Variants in MTOR observed in about 807,000 individuals in gnomAD.
The protein encoded by MTOR is mechanistic target of rapamycin kinase.
In MTOR, 70 loss-of-function variants were observed where a neutral mutation model predicts 319.8. The ratio of observed to expected loss-of-function variants is 0.22; its 90% CI spans 0.18 to 0.27. The LOEUF (loss-of-function observed/expected upper bound fraction) is 0.27. Among genes scored for constraint, MTOR ranks in the 10% least tolerant of loss-of-function variants. The pLI, the probability that MTOR is intolerant of heterozygous loss-of-function variation, is 1.00. For synonymous variants in MTOR, 1,183 were observed against 1,211.4 expected, an observed-to-expected ratio of 0.98 and a Z score of 0.49; for missense variants, 1,890 against 3,274.4, an observed-to-expected ratio of 0.58 and a Z score of 10.32.
At chr1:11,139,222 T>C (rs1317660393) in intron 36 of MTOR, 82 bp downstream of exon 36, 8 of 1,506,554 alleles carry the variant, frequency 5.3e-6, no homozygotes, top group South Asian at 1.4e-5. Context: ...GTTTCTTTTC[T>C]GGCCTTAAAG....
Position 11,126,650 on chromosome 1 carries a change from C to T in MTOR, c.6498G>A (p.Lys2166=). 6.2e-7 allele frequency: 1 copy of T among 1,613,958 alleles called. No individual in the cohort carries two copies. Among genetic ancestry groups the T allele is most frequent in the Non-Finnish European group, 8.5e-7 (1 of 1,180,010 alleles). ...IAPSLQVITS[K]QRPRKLTLMG... ...TAAGTGTCAATTTCCGGGGCCTCTG[C>T]TTGGATGTGATGACTTGCAAAGACG... Residue 2166 remains lysine, a synonymous_variant, in exon 46 of 58, where the codon AAG becomes AAA. Transcript: ENST00000361445.
chr1:11,223,517 C>T (rs1646735415), intron 19 of MTOR, among the ~76,000 whole-genome samples: 1 of 151,902 alleles, frequency 6.6e-6, no homozygotes. Context: ...TGACAAAATG[C>T]TAGTAATTAC....
intron 47 of MTOR, among the ~76,000 whole-genome samples, chr1:11,123,678 A>C (rs1272578631): frequency 6.6e-6 from 1 of 151,748 alleles, no homozygotes; most frequent in East Asian, 1.9e-4. Flanking sequence ...TTTTTTGTCC[A>C]GGATGGTCTT....
intron 6 of MTOR, 85 bp downstream of exon 6, chr1:11,253,754 C>T: frequency 6.9e-7 from 1 of 1,439,800 alleles, no homozygotes; most frequent in South Asian, 1.2e-5. Context: ...AAAATGTCAG[C>T]TCCATGAGGA....
chr1:11,175,762 T>TTTTTTTTTG (rs1644965148), intron 28 of MTOR, among the ~76,000 whole-genome samples: 1 of 151,120 alleles, frequency 6.6e-6, no homozygotes, highest in African/African-American at 2.4e-5. Context: ...TTTTTTTTTT[T>TTTTTTTTTG]GAGACAGGGT....
In MTOR at chr1:11,175,248, G is replaced by A. The variant is rs545231540; in HGVS notation, c.4254-7731C>T. The stretch of plus-strand genomic sequence containing the variant: ...CCAGAGCCCACAAACTGAACCTGGC[G>A]TTAGGAAGACAACGAAGACAGGCGG... On this transcript the variant is annotated intron_variant, in intron 28 of 57. Transcript: ENST00000361445. 1.7e-4 allele frequency among the ~76,000 whole-genome samples: 26 copies of A among 152,278 alleles called. No homozygotes were observed. The East Asian group carries it at 3.3e-3, about 19-fold the overall frequency.
intron 28 of MTOR, among the ~76,000 whole-genome samples, chr1:11,170,032 C>T (rs1644763575): frequency 1.3e-5 from 2 of 152,196 alleles, no homozygotes; most frequent in South Asian, 4.1e-4. Context: ...GCTCCAGATT[C>T]GTTGGGGAAG....
At chr1:11,186,397 A>G (rs1282013155) in intron 28 of MTOR, among the ~76,000 whole-genome samples, 1 of 152,190 alleles carries the variant, frequency 6.6e-6, no homozygotes, top group East Asian at 1.9e-4. Context: ...AGTGCGGCCC[A>G]AACACTGTGA....
In MTOR at chr1:11,168,908, G is replaced by A. The variant is rs141621305; in HGVS notation, c.4254-1391C>T. ...GAAAGAGGGGAGGGTGAAGGAGCTC[G>A]CTTGAGAAATCCACAAGACCACAAT... On this transcript the variant is annotated intron_variant, in intron 28 of 57. Coordinates refer to ENST00000361445, the MANE Select transcript of MTOR (RefSeq NM_004958.4). 3.9e-5 allele frequency among the ~76,000 whole-genome samples: 6 copies of A among 152,200 alleles called. No individual in the cohort carries two copies. The East Asian group carries it at 5.8e-4, about 15-fold the overall frequency.
At chr1:11,139,684 GAT>G (rs1399081007) in intron 34 of MTOR, 26 bp from the exon 35 acceptor site, 10 of 1,614,008 alleles carry the variant, frequency 6.2e-6, no homozygotes, top group Non-Finnish European at 8.5e-6. Flanking sequence ...GTGAAGATTA[GAT>G]ATGTCTTCTG....
chr1:11,250,740 G>A (rs1022857531), intron 6 of MTOR, among the ~76,000 whole-genome samples: 2 of 152,158 alleles, frequency 1.3e-5, no homozygotes, highest in East Asian at 3.9e-4. Flanking sequence ...GTGCCCAACA[G>A]GTCTCTAAGT....
At position 11,171,670 on chromosome 1, in the gene MTOR, C is replaced by A. The variant is rs746816453; in HGVS notation, c.4254-4153G>T. On this transcript the variant is annotated intron_variant, in intron 28 of 57. Transcript: ENST00000361445. The stretch of plus-strand genomic sequence containing the variant: ...TTAATACAGCTACAGCCTTGATATA[C>A]CACCTCTAAGGACTGACCAGCATAG... Among the ~76,000 whole-genome samples the A allele has an allele frequency of 3.7e-4, 57 of 152,030 alleles. 2 individuals carry two copies. Among genetic ancestry groups the A allele is most frequent in the Non-Finnish European group, 1.9e-4 (13 of 68,044 alleles).
At chr1:11,181,480 C>G (rs917900767) in intron 28 of MTOR, among the ~76,000 whole-genome samples, 2 of 151,880 alleles carry the variant, frequency 1.3e-5, no homozygotes, top group Admixed American at 6.6e-5. Flanking sequence ...AGCTGAGACC[C>G]CACCACTACA....
intron 8 of MTOR, among the ~76,000 whole-genome samples, chr1:11,244,213 A>G (rs1437481422): frequency 7.1e-6 from 1 of 141,570 alleles, no homozygotes; most frequent in African/African-American, 2.6e-5. Context: ...AATCGCTTGA[A>G]CCCGGGAGGC....
At chr1:11,139,240 G>A in intron 36 of MTOR, 64 bp downstream of exon 36, 5 of 1,539,022 alleles carry the variant, frequency 3.2e-6, no homozygotes, top group Non-Finnish European at 3.5e-6. Flanking sequence ...AAGAGGCAGA[G>A]CGAAGCAGAT....
intron 19 of MTOR, among the ~76,000 whole-genome samples, chr1:11,219,273 T>C (rs781520699): frequency 5.3e-5 from 8 of 151,348 alleles, no homozygotes; most frequent in Non-Finnish European, 1.2e-4. Flanking sequence ...GAGCTACATA[T>C]TAAGAGAAAT....
chr1:11,238,552 T>C lies in MTOR; in HGVS notation c.1852A>G (p.Ile618Val), dbSNP rs777898144. The C allele has an allele frequency of 6.2e-7, 1 of 1,614,028 alleles. No homozygotes were observed. Among genetic ancestry groups the C allele is most frequent in the East Asian group, 2.2e-5 (1 of 44,896 alleles). Residue 618 changes from isoleucine to valine, a missense_variant, in exon 12 of 58, where the codon ATC (isoleucine) becomes GTC (valine). Ile to Val is a conservative substitution (Grantham distance 29). Coordinates refer to ENST00000361445, the MANE Select transcript of MTOR (RefSeq NM_004958.4). ...CAGGTGCGGGCAGCCTCCATGCGGA[T>C]CTCCTTGTGCTCACTGTTCAGGAAA... The part of the protein sequence containing the change: ...DHFLNSEHKE[I>V]RMEAARTCSR...
chr1:11,106,822 T>C lies in MTOR; in HGVS notation c.*663A>G, dbSNP rs1641601039. 4.6e-6 allele frequency: 6 copies of C among 1,303,536 alleles called. No homozygotes were observed. In the African/African-American group the frequency reaches 5.9e-5, roughly 13 times the overall value. 80.7% of individuals were successfully genotyped at this position (1,303,536 alleles called of 1,614,324 possible). On this transcript the variant is annotated 3_prime_UTR_variant, in exon 58 of 58. Transcript: ENST00000361445. ...ACTGCACAGTGATCCCCTCTGTGCATCTGCTCAGCCGAGGCTGCCAGCGAT... is the reference window on the plus strand; with the variant it reads ...ACTGCACAGTGATCCCCTCTGTGCACCTGCTCAGCCGAGGCTGCCAGCGAT...
At chr1:11,138,691 T>C (rs1643548721) in intron 36 of MTOR, among the ~76,000 whole-genome samples, 1 of 152,150 alleles carries the variant, frequency 6.6e-6, no homozygotes, top group African/African-American at 2.4e-5. Flanking sequence ...CCAAAGCAGG[T>C]GATGACTTTG....
Sources: gnomAD v4.1 joint callset for allele counts (sites outside exome capture counted in the v4.1 genomes callset) on GRCh38, gnomAD v4.1.1 for gene constraint, MANE v1.5 for transcripts, NCBI Gene and HGNC (gene_info 2026-07-23, HGNC 2026-07-21) for gene names.